The following ETV4 variants were observed in gnomAD, a reference collection of about 807,000 sequenced individuals.
ETV4 encodes the protein ETS translocation variant 4.
A neutral mutation model predicts 65.9 loss-of-function variants in ETV4; 42 were observed. The observed-to-expected ratio is 0.64, with a 90% CI of 0.50 to 0.82. The LOEUF is 0.82. ETV4 is among the 40% of genes least tolerant of loss of function. The pLI is 0.00. For missense variants in ETV4, 583 were observed against 630.3 expected (o/e 0.92, Z 0.80); for synonymous variants, 238 against 260.0 (o/e 0.92, Z 0.81).
chr17:43,545,545 G>GC lies in ETV4; in HGVS notation c.60+12dup. On this transcript the variant is annotated intron_variant, in intron 2 of 12. Coordinates refer to ENST00000319349, the MANE Select transcript of ETV4 (RefSeq NM_001079675.5). ...CGGGGCGGGGCGGGCGTGGAGGCCG[G>GC]CGCGGCGCTCACGCTGCTGAAGGTG... 1 of 1,547,818 alleles carries GC rather than the reference G, an allele frequency of 6.5e-7. No homozygotes were observed. Among genetic ancestry groups the GC allele is most frequent in the Non-Finnish European group, 8.7e-7 (1 of 1,145,784 alleles).
chr17:43,538,554 G>A (rs1399296750), intron 4 of ETV4, among the ~76,000 whole-genome samples: 1 of 152,140 alleles, frequency 6.6e-6, no homozygotes, highest in Non-Finnish European at 1.5e-5. Flanking sequence ...CTCATCCATG[G>A]CTTCTAACCT....
intron 8 of ETV4, among the ~76,000 whole-genome samples, chr17:43,532,102 G>A (rs28608935): frequency 0.23 from 34,365 of 152,116 alleles, 4,131 homozygotes; most frequent in East Asian, 0.32. Context: ...GGGCTCAAAC[G>A]ATCCTCCTGC....
rs541926936 is a variant in ETV4, at chr17:43,532,936, G to A, written c.549C>T (p.Ser183=). The A allele has an allele frequency of 1.7e-5, 26 of 1,562,856 alleles. No individual in the cohort carries two copies. The South Asian group carries it at 1.7e-4, about 10-fold the overall frequency. ...PGHGYLGEHS[S]VFQQPLDICH... is the part of the protein sequence containing the mutation. ...AAATGTCCAGGGGCTGCTGGAAGAC[G>A]GAGCTGGATGTGGTTGGATGGAGAA... is the stretch of plus-strand genomic sequence containing the variant. The change falls in exon 8 of 13, where the codon TCC becomes TCT. Residue 183 remains serine (S), a synonymous_variant. Coordinates refer to ENST00000319349, the MANE Select transcript of ETV4 (RefSeq NM_001079675.5).
intron 10 of ETV4, 93 bp from the exon 11 acceptor site, chr17:43,529,769 C>A: frequency 6.3e-7 from 1 of 1,597,406 alleles, no homozygotes; most frequent in East Asian, 2.2e-5. Context: ...AAGGGGTCTC[C>A]CCAGGTACTT....
At chr17:43,535,037 C>T (rs992087547) in intron 5 of ETV4, among the ~76,000 whole-genome samples, 9 of 152,218 alleles carry the variant, frequency 5.9e-5, no homozygotes, top group Non-Finnish European at 1.0e-4. Context: ...CATGCTCCTA[C>T]TTATCTGTGA....
At chr17:43,529,316 A>C in intron 11 of ETV4, 80 bp from the exon 12 acceptor site, 1 of 1,475,252 alleles carries the variant, frequency 6.8e-7, no homozygotes, top group South Asian at 1.1e-5. Context: ...AGAGCACTTG[A>C]GATTCTTGGT....
At chr17:43,540,257 A>G (rs1486963604) in intron 4 of ETV4, among the ~76,000 whole-genome samples, 1 of 152,144 alleles carries the variant, frequency 6.6e-6, no homozygotes, top group Non-Finnish European at 1.5e-5. Context: ...ATTCTACACC[A>G]GCCTGGCCAA....
intron 4 of ETV4, among the ~76,000 whole-genome samples, chr17:43,538,919 G>A (rs1306245946): frequency 6.6e-6 from 1 of 152,030 alleles, no homozygotes; most frequent in African/African-American, 2.4e-5. Context: ...GGTATGAGAT[G>A]GCTAGAAAAA....
Position 43,528,316 on chromosome 17 carries a change from C to T in ETV4, c.*203G>A, listed in dbSNP as rs1970686922. The T allele has an allele frequency of 3.8e-6, 2 of 522,826 alleles. No individual in the cohort carries two copies. The highest frequency in any genetic ancestry group is 6.8e-6 in the Non-Finnish European group (2 of 295,264). 32.4% of individuals were successfully genotyped at this position (522,826 alleles called of 1,614,324 possible). ...GAAACCCCCAGGGGAGTTTCTGAGA[C>T]TCTAGACTTGCCATTTCTCCACTTT... On this transcript the variant is annotated 3_prime_UTR_variant, in exon 13 of 13. Coordinates refer to ENST00000319349, the MANE Select transcript of ETV4 (RefSeq NM_001079675.5).
chr17:43,540,686 A>G (rs1598214587), intron 4 of ETV4, among the ~76,000 whole-genome samples: 1 of 152,176 alleles, frequency 6.6e-6, no homozygotes, highest in African/African-American at 2.4e-5. Context: ...AAATAGGCAC[A>G]TTTGGATAGA....
At chr17:43,536,569 G>A in intron 4 of ETV4, 90 bp from the exon 5 acceptor site, 1 of 1,126,606 alleles carries the variant, frequency 8.9e-7, no homozygotes, top group South Asian at 1.3e-5. Context: ...ATTAGCAACA[G>A]CCAAGAAAGG....
chr17:43,543,498 C>T (rs1971634890), intron 4 of ETV4, among the ~76,000 whole-genome samples: 1 of 152,120 alleles, frequency 6.6e-6, no homozygotes. Flanking sequence ...GCCCTAGGAG[C>T]TGCCCACTGT....
intron 4 of ETV4, among the ~76,000 whole-genome samples, chr17:43,537,119 A>G (rs1441143815): frequency 6.6e-6 from 1 of 152,228 alleles, no homozygotes; most frequent in Non-Finnish European, 1.5e-5. Flanking sequence ...TAATCCCAGC[A>G]CTTTGGGAAG....
chr17:43,545,064 C>A, intron 3 of ETV4, 42 bp from the exon 4 acceptor site: 13 of 1,597,628 alleles, frequency 8.1e-6, no homozygotes, highest in Non-Finnish European at 1.0e-5. Context: ...GTGGAGGGGA[C>A]GGTAAGAGAG....
Position 43,528,725 on chromosome 17 carries a change from CG to C in ETV4, c.1248del (p.Tyr416Ter), listed in dbSNP as rs1970717413. ...GIMQKVAGER[Y>X]VYKFVCEPEA... is the part of the protein sequence containing the mutation. ...TCGGGCTCACACACAAACTTGTACA[CG>C]TAACGCTCACCAGCCACCTATGGGG... On this transcript the variant is annotated frameshift_variant, in exon 13 of 13. Coordinates refer to ENST00000319349, the MANE Select transcript of ETV4 (RefSeq NM_001079675.5). LOFTEE classifies it high-confidence loss of function. 6.2e-7 allele frequency: 1 copy of C among 1,614,130 alleles called. No homozygotes were observed. The highest frequency in any genetic ancestry group is 2.2e-5 in the East Asian group (1 of 44,874).
chr17:43,533,730 A>T lies in ETV4; in HGVS notation c.383+129T>A. On this transcript the variant is annotated intron_variant, in intron 6 of 12. Coordinates refer to ENST00000319349, the MANE Select transcript of ETV4 (RefSeq NM_001079675.5). The stretch of plus-strand genomic sequence containing the variant: ...AAATCCTTAGCTGTATTGCTTCCTT[A>T]CAAGTGCTAGAAAATCCTTTCTGTT... The T allele has an allele frequency of 3.3e-6, 4 of 1,222,366 alleles. No individual in the cohort carries two copies. The South Asian group carries it at 4.4e-5, about 13-fold the overall frequency. 75.7% of individuals were successfully genotyped at this position (1,222,366 alleles called of 1,614,324 possible).
In ETV4 at chr17:43,528,648, A is replaced by G. The variant is rs367566497; in HGVS notation, c.1326T>C (p.Ala442=). The change falls in exon 13 of 13, where the codon GCT becomes GCC. Residue 442 remains alanine (A), a synonymous_variant. Coordinates refer to ENST00000319349, the MANE Select transcript of ETV4 (RefSeq NM_001079675.5). The part of the protein sequence containing the change: ...FPDNQRPALK[A]EFDRPVSEED... ...CCTCACTGACAGGCCGGTCAAACTC[A>G]GCCTTGAGAGCTGGACGCTGATTGT... The G allele has an allele frequency of 1.2e-5, 19 of 1,614,050 alleles. No individual in the cohort carries two copies. The highest frequency in any genetic ancestry group is 5.0e-5 in the Admixed American group (3 of 59,998).
intron 5 of ETV4, 132 bp downstream of exon 5, chr17:43,536,294 C>A (rs145578703): frequency 5.7e-5 from 45 of 790,854 alleles, no homozygotes; most frequent in Non-Finnish European, 9.4e-5. Context: ...CCAGTTATTG[C>A]CTTGGTCTTT....
intron 4 of ETV4, among the ~76,000 whole-genome samples, chr17:43,540,979 G>A (rs955333241): frequency 4.6e-5 from 7 of 152,092 alleles, no homozygotes; most frequent in East Asian, 1.9e-4. Context: ...TCTTGCTGGC[G>A]TCACTGGTGC....
Sources: allele counts gnomAD v4.1 joint callset (sites outside exome capture counted in the v4.1 genomes callset), GRCh38; gene constraint gnomAD v4.1.1; transcripts MANE v1.5; gene names NCBI Gene and HGNC (gene_info 2026-07-23, HGNC 2026-07-21).